Variants in ZNF713 observed in about 807,000 individuals in gnomAD.
The protein encoded by ZNF713 is zinc finger protein 713.
ZNF713 carries 21 observed loss-of-function variants against 28.7 expected under a neutral mutation model. The ratio of observed to expected loss-of-function variants is 0.73; its 90% CI spans 0.52 to 1.05. The LOEUF is 1.05. ZNF713 is among the 50% of genes least tolerant of loss of function. ZNF713 has a pLI of 0.00. For missense variants in ZNF713, 458 were observed against 532.4 expected, an observed-to-expected ratio of 0.86 and a Z score of 1.37; for synonymous variants, 167 against 178.0, an observed-to-expected ratio of 0.94 and a Z score of 0.49.
At chr7:55,908,639 T>C (rs1785730514) in intron 2 of ZNF713, among the ~76,000 whole-genome samples, 3 of 152,250 alleles carry the variant, frequency 2.0e-5, no homozygotes, top group South Asian at 4.1e-4. Flanking sequence ...TTCTAGATAT[T>C]AGTCCTTTGT....
At chr7:55,921,138 G>A (rs889139047) in intron 4 of ZNF713, among the ~76,000 whole-genome samples, 3 of 151,882 alleles carry the variant, frequency 2.0e-5, no homozygotes, top group African/African-American at 4.8e-5. Flanking sequence ...ACCTGTTTAC[G>A]CATGGTTTAC....
intron 4 of ZNF713, among the ~76,000 whole-genome samples, chr7:55,915,688 AAAG>A (rs1341798433): frequency 6.6e-6 from 1 of 152,184 alleles, no homozygotes; most frequent in Admixed American, 6.5e-5. Flanking sequence ...TGAGAAATTA[AAAG>A]AAGACCACTG....
At chr7:55,933,265 A>G (rs1465946084) in intron 6 of ZNF713, among the ~76,000 whole-genome samples, 7 of 152,108 alleles carry the variant, frequency 4.6e-5, no homozygotes, top group South Asian at 2.1e-4. Flanking sequence ...AATTTCATAC[A>G]TAAGGTCTTA....
In ZNF713 at chr7:55,908,132, GTTGT is replaced by G. The variant is rs1176120011; in HGVS notation, c.-456+1756_-456+1759del. Among the ~76,000 whole-genome samples the G allele has an allele frequency of 1.1e-4, 12 of 110,984 alleles. No individual in the cohort carries two copies. The South Asian group carries it at 2.9e-3, about 27-fold the overall frequency. The allele number at this position is 110,984 out of a possible 152,430, so 72.8% of individuals were successfully genotyped here. A position where few individuals can be genotyped will look rare whatever the true frequency, so the allele number is the denominator to read the frequency against. ...CTCTCCATCCTCACCAACATCCGTT[GTTGT>G]TTTTTTTTTTTTTTTTTTTTTTTTG... On this transcript the variant is annotated intron_variant, in intron 2 of 6. Coordinates refer to ENST00000429591, the MANE Select transcript of ZNF713 (RefSeq NM_182633.3).
Position 55,940,714 on chromosome 7 carries a change from C to G in ZNF713, c.*708C>G, listed in dbSNP as rs61222085. On this transcript the variant is annotated 3_prime_UTR_variant, in exon 7 of 7. Transcript: ENST00000429591. Reference sequence around the variant, plus strand: ...TGAGATCATGCCACTGTACTCCAGCCTGGGCAACAGAGCAAGACTCTGTCT... The same window carrying G: ...TGAGATCATGCCACTGTACTCCAGCGTGGGCAACAGAGCAAGACTCTGTCT... The G allele has an allele frequency of 0.024, 5,488 of 228,150 alleles. 344 individuals are homozygous for G. Among genetic ancestry groups the G allele is most frequent in the African/African-American group, 0.13 (5,195 of 41,356 alleles). 14.1% of individuals were successfully genotyped at this position (228,150 alleles called of 1,614,324 possible).
chr7:55,897,486 G>T (rs912145207), intron 1 of ZNF713, among the ~76,000 whole-genome samples: 1 of 151,052 alleles, frequency 6.6e-6, no homozygotes, highest in Admixed American at 6.6e-5. Flanking sequence ...TCACTATGTT[G>T]CCTAGGTTGG....
Position 55,887,516 on chromosome 7 carries a change from C to G in ZNF713, c.-747C>G, listed in dbSNP as rs1785264485. The G allele has an allele frequency of 6.1e-6, 1 of 163,232 alleles. No individual in the cohort carries two copies. The highest frequency in any genetic ancestry group is 2.4e-5 in the African/African-American group (1 of 41,504). The allele number at this position is 163,232 out of a possible 1,614,324, so 10.1% of individuals were successfully genotyped here. A position where few individuals can be genotyped will look rare whatever the true frequency, so the allele number is the denominator to read the frequency against. ...CAGAGCAGGTCTGGCGCGCCGGTGG[C>G]TGGACCGGCCCCAGGAGCCCAGTCA... is the stretch of plus-strand genomic sequence containing the variant. On this transcript the variant is annotated 5_prime_UTR_variant, in exon 1 of 7. Coordinates refer to ENST00000429591, the MANE Select transcript of ZNF713 (RefSeq NM_182633.3).
intron 1 of ZNF713, among the ~76,000 whole-genome samples, chr7:55,890,738 G>A (rs1018561819): frequency 6.6e-6 from 1 of 152,008 alleles, no homozygotes; most frequent in African/African-American, 2.4e-5. Flanking sequence ...ATTAAGGAGA[G>A]GCTGGACGTG....
At chr7:55,892,555 C>CGAA (rs574054003) in intron 1 of ZNF713, among the ~76,000 whole-genome samples, 28 of 74,364 alleles carry the variant, frequency 3.8e-4, no homozygotes, top group Non-Finnish European at 6.0e-4. Context: ...AAGCACTGAC[C>CGAA]AAAAAAAAAA....
Position 55,900,334 on chromosome 7 carries a change from G to A in ZNF713, c.-582-5919G>A, listed in dbSNP as rs187192593. Among the ~76,000 whole-genome samples, 742 of 148,804 alleles carry A rather than the reference G, an allele frequency of 5.0e-3. 2 individuals carry two copies. The highest frequency in any genetic ancestry group is 0.024 in the Middle Eastern group (7 of 290). On this transcript the variant is annotated intron_variant, in intron 1 of 6. Coordinates refer to ENST00000429591, the MANE Select transcript of ZNF713 (RefSeq NM_182633.3). ...AATACAAAAATTAGCCAGGCATGGC[G>A]GCACGTGTCTGTAATCCCATTTACT...
At chr7:55,903,621 C>A (rs73132854) in intron 1 of ZNF713, among the ~76,000 whole-genome samples, 2 of 148,916 alleles carry the variant, frequency 1.3e-5, no homozygotes, top group Non-Finnish European at 3.0e-5. Context: ...CAGCCGAGAT[C>A]GTGCCCCTGC....
intron 6 of ZNF713, among the ~76,000 whole-genome samples, chr7:55,928,581 A>T (rs1786146466): frequency 6.6e-6 from 1 of 152,198 alleles, no homozygotes; most frequent in Admixed American, 6.5e-5. Flanking sequence ...ATTGCCATGT[A>T]AGTAGACTGT....
chr7:55,936,117 T>C (rs564299666), intron 6 of ZNF713, among the ~76,000 whole-genome samples: 7 of 151,496 alleles, frequency 4.6e-5, no homozygotes, highest in African/African-American at 1.5e-4. Flanking sequence ...ATATAAAAAT[T>C]AGCCAGGCAT....
intron 6 of ZNF713, among the ~76,000 whole-genome samples, chr7:55,937,925 C>G (rs1173109618): frequency 1.3e-5 from 2 of 149,836 alleles, no homozygotes; most frequent in African/African-American, 4.9e-5. Context: ...ATTAAGAGGC[C>G]GGGCACGGTG....
At chr7:55,909,782 T>C (rs1785750128) in intron 2 of ZNF713, among the ~76,000 whole-genome samples, 1 of 152,188 alleles carries the variant, frequency 6.6e-6, no homozygotes, top group African/African-American at 2.4e-5. Flanking sequence ...TCCTAGGTAA[T>C]TTTGTGTGGC....
At chr7:55,887,732 AGGCGGGGGGCGGAGGCGGGG>A (rs1785279960) in intron 1 of ZNF713, 52 bp downstream of exon 1, 41 of 3,192 alleles carry the variant, frequency 0.013, 13 homozygotes, top group Middle Eastern at 0.12. Flanking sequence ...CGGGGGGCGG[AGGCGGGGGGCGGAGGCGGGG>A]GGCGGAGGCG....
chr7:55,906,467 A>G (rs901811982), intron 2 of ZNF713, 88 bp downstream of exon 2: 1 of 152,274 alleles, frequency 6.6e-6, no homozygotes, highest in Non-Finnish European at 1.5e-5. Flanking sequence ...CCTTTTCCTT[A>G]AGAGTGAGGG....
In ZNF713 at chr7:55,940,423, C is replaced by T; in HGVS notation, c.*417C>T. 2 of 988,882 alleles carry T rather than the reference C, an allele frequency of 2.0e-6. No individual in the cohort carries two copies. Among genetic ancestry groups the T allele is most frequent in the Non-Finnish European group, 2.4e-6 (2 of 832,502 alleles). The allele number at this position is 988,882 out of a possible 1,614,324, so 61.3% of individuals were successfully genotyped here. On this transcript the variant is annotated 3_prime_UTR_variant, in exon 7 of 7. Transcript: ENST00000429591. ...ACAGGCGTGGGCCACTGCGCCTGGC[C>T]ATAAACTTTCAATGCGTAGAAACCA...
chr7:55,922,154 T>C (rs1296948891), intron 4 of ZNF713, among the ~76,000 whole-genome samples: 1 of 146,748 alleles, frequency 6.8e-6, no homozygotes, highest in Non-Finnish European at 1.5e-5. Context: ...CTCAAACTCC[T>C]GACCTTAAGT....
Sources: allele counts gnomAD v4.1 joint callset (sites outside exome capture counted in the v4.1 genomes callset), GRCh38; gene constraint gnomAD v4.1.1; transcripts MANE v1.5; gene names NCBI Gene and HGNC (gene_info 2026-07-23, HGNC 2026-07-21).